Variants in ATP13A3 observed in about 807,000 individuals in gnomAD.
The protein encoded by ATP13A3 is polyamine-transporting ATPase 13A3.
In ATP13A3, 59 loss-of-function variants were observed where a neutral mutation model predicts 158.1. The observed-to-expected ratio is 0.37, with a 90% CI of 0.30 to 0.46. ATP13A3 has a LOEUF of 0.46. ATP13A3 is among the 20% of genes least tolerant of loss of function. The pLI is 1.00. For missense variants in ATP13A3, 1,166 were observed against 1,525.2 expected (o/e 0.76, Z 3.92); for synonymous variants, 491 against 504.3 (o/e 0.97, Z 0.35).
intron 14 of ATP13A3, among the ~76,000 whole-genome samples, chr3:194,445,496 G>C (rs79279268): frequency 1.3e-5 from 2 of 152,164 alleles, no homozygotes; most frequent in African/African-American, 2.4e-5. Context: ...AAAATGAGCA[G>C]ATAGATAAAA....
chr3:194,432,963 GC>G (rs1717335613), intron 21 of ATP13A3, among the ~76,000 whole-genome samples: 2 of 151,970 alleles, frequency 1.3e-5, no homozygotes, highest in South Asian at 4.1e-4. Context: ...TAGAATTCAA[GC>G]TAGGGTAATA....
At chr3:194,474,727 G>C (rs552800782) in intron 2 of ATP13A3, among the ~76,000 whole-genome samples, 1 of 152,252 alleles carries the variant, frequency 6.6e-6, no homozygotes, top group South Asian at 2.1e-4. Flanking sequence ...TCAAATTAAA[G>C]ATGGTCTCTG....
In ATP13A3 at chr3:194,486,909, A is replaced by T. The variant is rs1461299691; in HGVS notation, c.-432T>A. 6.6e-6 allele frequency: 1 copy of T among 151,916 alleles called. No homozygotes were observed. Among genetic ancestry groups the T allele is most frequent in the Admixed American group, 6.5e-5 (1 of 15,272 alleles). The allele number at this position is 151,916 out of a possible 1,614,324, so 9.4% of individuals were successfully genotyped here. ...CGAAACGGCCCCCCCGCCGCCAGCG[A>T]CGTAGAGAACCCCCCTCCCCTCCGC... On this transcript the variant is annotated 5_prime_UTR_variant, in exon 1 of 34. Coordinates refer to ENST00000645319, the MANE Select transcript of ATP13A3 (RefSeq NM_001367549.1).
upstream of ATP13A3, among the ~76,000 whole-genome samples, chr3:194,490,606 T>TTTTG (rs962674319): frequency 4.6e-5 from 7 of 152,336 alleles, no homozygotes; most frequent in South Asian, 4.1e-4. The surrounding 1 kb of genome is among the most constrained non-coding windows in gnomAD (Gnocchi z 4.4). Context: ...TTTGTTGTGT[T>TTTTG]TTTGTTTGTT....
rs1377087752 is a variant in ATP13A3 at position 194,448,430 on chromosome 3, A to G, written c.1150+27T>C. The G allele has an allele frequency of 1.2e-6, 2 of 1,604,200 alleles. No individual in the cohort carries two copies. Among genetic ancestry groups the G allele is most frequent in the Non-Finnish European group, 8.5e-7 (1 of 1,171,488 alleles). ...GTATCAAATATGCTGAAACATGCAAAAAGAGATTAATTAAGATGTTTCCTA... is the reference window on the plus strand; with the variant it reads ...GTATCAAATATGCTGAAACATGCAAGAAGAGATTAATTAAGATGTTTCCTA... On this transcript the variant is annotated intron_variant, in intron 12 of 33. Coordinates refer to ENST00000645319, the MANE Select transcript of ATP13A3 (RefSeq NM_001367549.1). This position sits in a 1 kb window ranked among gnomAD's most constrained non-coding sequence, Gnocchi z 4.0.
At position 194,448,416 on chromosome 3, in the gene ATP13A3, G is replaced by A; in HGVS notation, c.1150+41C>T. Reference sequence around the variant, plus strand: ...TAAACATTTAGTAGGTATCAAATATGCTGAAACATGCAAAAAGAGATTAAT... The same window carrying A: ...TAAACATTTAGTAGGTATCAAATATACTGAAACATGCAAAAAGAGATTAAT... On this transcript the variant is annotated intron_variant, in intron 12 of 33. Coordinates refer to ENST00000645319, the MANE Select transcript of ATP13A3 (RefSeq NM_001367549.1). The surrounding 1 kb of genome is among the most constrained non-coding windows in gnomAD (Gnocchi z 4.0). 1 of 1,587,608 alleles carries A rather than the reference G, an allele frequency of 6.3e-7. No individual in the cohort carries two copies. The highest frequency in any genetic ancestry group is 8.6e-7 in the Non-Finnish European group (1 of 1,156,846).
upstream of ATP13A3, among the ~76,000 whole-genome samples, chr3:194,491,476 C>T (rs1396885074): frequency 1.3e-5 from 2 of 151,738 alleles, no homozygotes; most frequent in African/African-American, 4.8e-5. Flanking sequence ...ATAATGCATG[C>T]CCCCTCATCT....
chr3:194,492,789 A>AAT (rs1721161382), intron 2 of ATP13A3, among the ~76,000 whole-genome samples: 1 of 152,182 alleles, frequency 6.6e-6, no homozygotes, highest in South Asian at 2.1e-4. Flanking sequence ...GATTACTTAT[A>AAT]ATACGATGTA....
At chr3:194,460,588 G>C in intron 4 of ATP13A3, 70 bp downstream of exon 4, 1 of 1,451,338 alleles carries the variant, frequency 6.9e-7, no homozygotes, top group Non-Finnish European at 9.3e-7. Flanking sequence ...CTATTATTTC[G>C]AATAAAGTAT....
At chr3:194,491,620 T>C (rs1721146741), upstream of ATP13A3, among the ~76,000 whole-genome samples, 1 of 67,172 alleles carries the variant, frequency 1.5e-5, no homozygotes, top group Non-Finnish European at 2.8e-5. Context: ...TCACCTGGCA[T>C]GCCCCCTCCA....
At chr3:194,470,407 A>G (rs1364063569) in intron 2 of ATP13A3, among the ~76,000 whole-genome samples, 2 of 152,182 alleles carry the variant, frequency 1.3e-5, no homozygotes, top group Non-Finnish European at 2.9e-5. Context: ...CTATACCATT[A>G]ATTCTTGCAT....
intron 13 of ATP13A3, among the ~76,000 whole-genome samples, chr3:194,447,396 G>A (rs1026006133): frequency 1.3e-5 from 2 of 151,922 alleles, no homozygotes; most frequent in East Asian, 1.9e-4. Flanking sequence ...CTTCAAAGCC[G>A]GTCAACAATC....
intron 6 of ATP13A3, among the ~76,000 whole-genome samples, chr3:194,458,442 G>A (rs1208625685): frequency 3.3e-5 from 5 of 152,070 alleles, no homozygotes; most frequent in Admixed American, 2.6e-4. Flanking sequence ...AGGCTGGAAC[G>A]GAGTGGCACA....
rs558732922 is a variant in ATP13A3, at chr3:194,431,703, G to A, written c.2421+14C>T. The A allele has an allele frequency of 2.1e-5, 31 of 1,503,582 alleles. No individual in the cohort carries two copies. The highest frequency in any genetic ancestry group is 1.5e-4 in the South Asian group (11 of 75,038). The allele number at this position is 1,503,582 out of a possible 1,614,324, so 93.1% of individuals were successfully genotyped here. Reference sequence around the variant, plus strand: ...TCAACAAACTTTAAAACGGACAGTCGATCTTGACCTTACCTCTGGGTCAAT... The same window carrying A: ...TCAACAAACTTTAAAACGGACAGTCAATCTTGACCTTACCTCTGGGTCAAT... On this transcript the variant is annotated intron_variant, in intron 22 of 33. Coordinates refer to ENST00000645319, the MANE Select transcript of ATP13A3 (RefSeq NM_001367549.1).
intron 9 of ATP13A3, 136 bp from the exon 10 acceptor site, chr3:194,453,914 CAG>C: frequency 2.9e-6 from 2 of 693,158 alleles, no homozygotes; most frequent in Non-Finnish European, 4.9e-6. Context: ...GTCAGAAATT[CAG>C]AGTATTCATT....
intron 2 of ATP13A3, among the ~76,000 whole-genome samples, chr3:194,472,919 A>C (rs990664998): frequency 2.8e-4 from 43 of 152,130 alleles, no homozygotes; most frequent in African/African-American, 9.9e-4. Flanking sequence ...CAAATACTAT[A>C]TGTTCTCACT....
chr3:194,444,253 G>A (rs1162163287), intron 15 of ATP13A3, among the ~76,000 whole-genome samples: 2 of 152,170 alleles, frequency 1.3e-5, no homozygotes, highest in Admixed American at 1.3e-4. Context: ...CAACAGTGCA[G>A]AGAAAAAAGA....
In ATP13A3 at chr3:194,415,661, CTTTTTTT is replaced by C. The variant is rs751005733; in HGVS notation, c.3403-1829_3403-1823del. The stretch of plus-strand genomic sequence containing the variant: ...GTGCAAGGATTTACAATACCACATT[CTTTTTTT>C]TTTTTTTTTTTTTTTTTTTGAGACG... On this transcript the variant is annotated intron_variant, in intron 31 of 33. Transcript: ENST00000645319. Among the ~76,000 whole-genome samples the C allele has an allele frequency of 3.6e-4, 33 of 90,926 alleles. No individual in the cohort carries two copies. The East Asian group carries it at 8.7e-3, about 24-fold the overall frequency. 59.7% of individuals were successfully genotyped at this position (90,926 alleles called of 152,430 possible).
At chr3:194,456,660 A>G (rs758370023) in intron 7 of ATP13A3, among the ~76,000 whole-genome samples, 1 of 152,150 alleles carries the variant, frequency 6.6e-6, no homozygotes, top group African/African-American at 2.4e-5. Context: ...ATGTCTCCCA[A>G]TTTACAATCT....
Sources: allele counts gnomAD v4.1 joint callset (sites outside exome capture counted in the v4.1 genomes callset), GRCh38; gene constraint gnomAD v4.1.1; non-coding constraint Gnocchi (gnomAD v3.1); transcripts MANE v1.5; gene names NCBI Gene and HGNC (gene_info 2026-07-23, HGNC 2026-07-21).